ZNF540: variants seen among roughly 807,000 people sequenced by gnomAD.
ZNF540 encodes the protein zinc finger protein 540, also known as CTD-3064H18.6.
Under a neutral mutation model 11.8 loss-of-function variants are expected in ZNF540, and 3 were observed. That is an observed-to-expected ratio of 0.25 (90% confidence interval 0.12 to 0.65). The LOEUF is 0.65. Ranked by LOEUF, ZNF540 falls within the 30% of genes least tolerant of loss-of-function variation. The pLI, the probability that ZNF540 is intolerant of heterozygous loss-of-function variation, is 0.83. For missense variants in ZNF540, 709 were observed against 793.1 expected, an observed-to-expected ratio of 0.89 and a Z score of 1.27; for synonymous variants, 247 against 259.0, an observed-to-expected ratio of 0.95 and a Z score of 0.45.
intron 1 of ZNF540, among the ~76,000 whole-genome samples, chr19:37,556,856 T>A (rs545995192): frequency 6.6e-6 from 1 of 152,264 alleles, no homozygotes; most frequent in South Asian, 2.1e-4. Flanking sequence ...TTTCTAAGAT[T>A]AATTTTGTAA....
chr19:37,571,465 C>T (rs1234256148), intron 1 of ZNF540, among the ~76,000 whole-genome samples: 3 of 152,140 alleles, frequency 2.0e-5, no homozygotes, highest in African/African-American at 7.2e-5. Flanking sequence ...CACTGCACTC[C>T]AGCCTGGGTG....
In ZNF540 at chr19:37,613,821, A is replaced by G. The variant is rs1478991954; in HGVS notation, c.*558A>G. ...TGTTTGTGTTCCCGTAACAATTCCT[A>G]TGTTGAAACACGAATCCCAAGGTGA... On this transcript the variant is annotated 3_prime_UTR_variant, in exon 5 of 5. Coordinates refer to ENST00000316433, the MANE Select transcript of ZNF540 (RefSeq NM_001172225.3). 3 of 398,514 alleles carry G rather than the reference A, an allele frequency of 7.5e-6. No individual in the cohort carries two copies. The highest frequency in any genetic ancestry group is 4.1e-5 in the African/African-American group (2 of 48,620). 24.7% of individuals were successfully genotyped at this position (398,514 alleles called of 1,614,324 possible).
chr19:37,608,308 A>G (rs1356899426), intron 4 of ZNF540, among the ~76,000 whole-genome samples: 1 of 152,082 alleles, frequency 6.6e-6, no homozygotes, highest in African/African-American at 2.4e-5. Context: ...AGCTGTGTCC[A>G]TTTACTAGTG....
At chr19:37,607,585 G>T (rs1354694391) in intron 4 of ZNF540, among the ~76,000 whole-genome samples, 1 of 152,070 alleles carries the variant, frequency 6.6e-6, no homozygotes, top group Non-Finnish European at 1.5e-5. Context: ...AGCCTTTTCA[G>T]ATTGGTCTCT....
intron 4 of ZNF540, among the ~76,000 whole-genome samples, chr19:37,606,955 T>A (rs2044090044): frequency 6.6e-6 from 1 of 152,090 alleles, no homozygotes; most frequent in East Asian, 1.9e-4. Flanking sequence ...ATTGAAGAAC[T>A]CTTTTTCTCA....
intron 4 of ZNF540, 132 bp downstream of exon 4, chr19:37,601,237 G>T: frequency 1.5e-6 from 1 of 649,306 alleles, no homozygotes; most frequent in East Asian, 2.9e-5. Flanking sequence ...TGGAGTAAAG[G>T]TTAAGACAGG....
chr19:37,583,528 A>G (rs2043550788), intron 1 of ZNF540: 1 of 154,992 alleles, frequency 6.5e-6, no homozygotes, highest in Admixed American at 6.3e-5. Flanking sequence ...CACACACCTC[A>G]AAGTGCTGCC....
intron 4 of ZNF540, among the ~76,000 whole-genome samples, chr19:37,610,625 T>C (rs750107364): frequency 8.5e-5 from 13 of 152,094 alleles, no homozygotes; most frequent in Non-Finnish European, 1.5e-4. Flanking sequence ...GAAAACTATA[T>C]GAAATGGGAA....
At position 37,613,205 on chromosome 19, in the gene ZNF540, A is replaced by G. The variant is rs1053026123; in HGVS notation, c.1925A>G (p.Lys642Arg). ...EKPYECKVCR[K>R]AFRQYSHLYQ... Reference sequence around the variant, plus strand: ...CCCTATGAGTGTAAGGTATGTAGAAAGGCCTTTAGACAATATTCACATCTT... The same window carrying G: ...CCCTATGAGTGTAAGGTATGTAGAAGGGCCTTTAGACAATATTCACATCTT... Residue 642 changes from lysine (K) to arginine (R), a missense_variant, in exon 5 of 5, where the codon AAG (lysine) becomes AGG (arginine). Coordinates refer to ENST00000316433, the MANE Select transcript of ZNF540 (RefSeq NM_001172225.3). 1 of 1,587,058 alleles carries G rather than the reference A, an allele frequency of 6.3e-7. No homozygotes were observed. Among genetic ancestry groups the G allele is most frequent in the Non-Finnish European group, 8.6e-7 (1 of 1,167,034 alleles).
At chr19:37,557,636 C>G in intron 1 of ZNF540, among the ~76,000 whole-genome samples, 1 of 152,278 alleles carries the variant, frequency 6.6e-6, no homozygotes, top group South Asian at 2.1e-4. Context: ...TCTTGAAGAT[C>G]GGATGGGCCA....
At chr19:37,559,732 A>G (rs1239921849) in intron 1 of ZNF540, among the ~76,000 whole-genome samples, 2 of 152,234 alleles carry the variant, frequency 1.3e-5, no homozygotes, top group Non-Finnish European at 2.9e-5. Context: ...TGGGAGAGAA[A>G]ACAAGAAAGG....
At chr19:37,593,573 G>A (rs1375999188), upstream of ZNF540, among the ~76,000 whole-genome samples, 1 of 152,058 alleles carries the variant, frequency 6.6e-6, no homozygotes, top group African/African-American at 2.4e-5. Context: ...CATGGTGGCG[G>A]GCGCCTGTAG....
At chr19:37,599,006 AAAG>A (rs980000239) in intron 2 of ZNF540, among the ~76,000 whole-genome samples, 2 of 152,292 alleles carry the variant, frequency 1.3e-5, no homozygotes, top group African/African-American at 4.8e-5. Flanking sequence ...TCTCAAGAAA[AAAG>A]AAGGTGTGTA....
intron 4 of ZNF540, among the ~76,000 whole-genome samples, chr19:37,605,085 T>C (rs527795007): frequency 2.8e-4 from 42 of 152,348 alleles, no homozygotes; most frequent in African/African-American, 8.9e-4. Context: ...TGAGTGCTTG[T>C]TTACAAGTCT....
At position 37,577,531 on chromosome 19, in the gene ZNF540, T is replaced by A. The variant is rs549643522; in HGVS notation, c.-72-20845T>A. ...TTAAGGACAAAAAAAGCAAAGCTAA[T>A]CCTTTATACCTTTTATGTAATGAAT... On this transcript the variant is annotated intron_variant, in intron 1 of 4. Transcript: ENST00000592533. Among the ~76,000 whole-genome samples the A allele has an allele frequency of 1.1e-4, 16 of 152,284 alleles. No individual in the cohort carries two copies. The East Asian group carries it at 2.9e-3, about 28-fold the overall frequency.
upstream of ZNF540, chr19:37,594,722 G>C (rs1053524670): frequency 6.6e-6 from 1 of 152,264 alleles, no homozygotes; most frequent in Non-Finnish European, 1.5e-5. Flanking sequence ...AGCGGTTCCC[G>C]GTGAGGCCGC....
Position 37,552,257 on chromosome 19 carries a change from A to G in ZNF540, c.-73+592A>G, listed in dbSNP as rs10417131. Among the ~76,000 whole-genome samples, 1,252 of 152,290 alleles carry G rather than the reference A, an allele frequency of 8.2e-3. 21 individuals carry two copies. The highest frequency in any genetic ancestry group is 0.028 in the African/African-American group (1,150 of 41,560). On this transcript the variant is annotated intron_variant, in intron 1 of 4. Transcript: ENST00000592533. ...TTAGAAAACAGATTTTCTGATTTCA[A>G]TCCTTTTCAATATATTGACAATTTA...
At chr19:37,581,312 CATA>C (rs1411964892) in intron 1 of ZNF540, among the ~76,000 whole-genome samples, 2 of 152,204 alleles carry the variant, frequency 1.3e-5, no homozygotes, top group East Asian at 3.9e-4. Flanking sequence ...CATAATAATA[CATA>C]ATGTCAAAGG....
chr19:37,572,288 C>A (rs960438489), intron 1 of ZNF540, among the ~76,000 whole-genome samples: 1 of 152,166 alleles, frequency 6.6e-6, no homozygotes, highest in Admixed American at 6.5e-5. Flanking sequence ...TGTGTGGTTT[C>A]AGTTACTCAT....
Sources: allele counts gnomAD v4.1 joint callset (sites outside exome capture counted in the v4.1 genomes callset), GRCh38; gene constraint gnomAD v4.1.1; transcripts MANE v1.5; gene names NCBI Gene and HGNC (gene_info 2026-07-23, HGNC 2026-07-21).